STK32A: variants seen among roughly 807,000 people sequenced by gnomAD.
STK32A encodes serine/threonine kinase 32A.
In STK32A, 41 loss-of-function variants were observed where a neutral mutation model predicts 53.2. The ratio of observed to expected loss-of-function variants is 0.77; its 90% CI spans 0.60 to 1.00. The LOEUF (loss-of-function observed/expected upper bound fraction) is 1.00. Among genes scored for constraint, STK32A ranks in the 50% least tolerant of loss-of-function variants. The pLI is 0.00. For synonymous variants in STK32A, 166 were observed against 162.8 expected (o/e 1.02, Z -0.15); for missense variants, 458 against 485.8 (o/e 0.94, Z 0.54).
At chr5:147,292,174 G>A (rs1030442432) in intron 4 of STK32A, among the ~76,000 whole-genome samples, 3 of 152,164 alleles carry the variant, frequency 2.0e-5, no homozygotes, top group African/African-American at 7.2e-5. Flanking sequence ...AAGGTATCAG[G>A]TCAGTTTTCC....
At chr5:147,314,014 A>G (rs575981641) in intron 4 of STK32A, among the ~76,000 whole-genome samples, 1 of 152,270 alleles carries the variant, frequency 6.6e-6, no homozygotes, top group Admixed American at 6.5e-5. Context: ...GTAATCACTA[A>G]TTGTTCCTCA....
chr5:147,298,282 T>C (rs1211861597), intron 4 of STK32A, among the ~76,000 whole-genome samples: 1 of 152,242 alleles, frequency 6.6e-6, no homozygotes, highest in Non-Finnish European at 1.5e-5. Flanking sequence ...GTTTCAAACA[T>C]ACTTTTGTTC....
chr5:147,237,229 C>T (rs1391524242), intron 1 of STK32A, among the ~76,000 whole-genome samples: 1 of 151,910 alleles, frequency 6.6e-6, no homozygotes, highest in East Asian at 1.9e-4. Context: ...AGGAGAATGG[C>T]GTGAACCCAG....
At chr5:147,251,497 T>G (rs886861417) in intron 2 of STK32A, among the ~76,000 whole-genome samples, 1 of 152,246 alleles carries the variant, frequency 6.6e-6, no homozygotes, top group Non-Finnish European at 1.5e-5. Flanking sequence ...GACAGTCACA[T>G]GGGTAGATCC....
intron 4 of STK32A, among the ~76,000 whole-genome samples, chr5:147,305,710 T>C (rs1244540886): frequency 4.6e-5 from 7 of 152,038 alleles, no homozygotes; most frequent in Admixed American, 4.6e-4. Flanking sequence ...GTAGCAATAG[T>C]GTCTTGCCAT....
At chr5:147,342,541 A>G (rs1755478295) in intron 5 of STK32A, 2 of 156,516 alleles carry the variant, frequency 1.3e-5, no homozygotes. Flanking sequence ...GGGGGTGGTT[A>G]TATAACTACA....
downstream of STK32A, chr5:147,392,038 C>G (rs1757825086): frequency 6.6e-6 from 1 of 152,224 alleles, no homozygotes; most frequent in African/African-American, 2.4e-5. Flanking sequence ...GTCTTTTCCT[C>G]TATCTGCTGG....
chr5:147,273,399 T>C (rs936584886), intron 2 of STK32A, among the ~76,000 whole-genome samples: 1 of 152,180 alleles, frequency 6.6e-6, no homozygotes, highest in African/African-American at 2.4e-5. Flanking sequence ...GCTATAAAAA[T>C]AGTGGTTAAG....
At chr5:147,260,471 G>T (rs1229474746) in intron 2 of STK32A, among the ~76,000 whole-genome samples, 1 of 152,020 alleles carries the variant, frequency 6.6e-6, no homozygotes, top group Middle Eastern at 3.2e-3. Context: ...AGAAGAAAGG[G>T]GGGGTTTATG....
intron 5 of STK32A, among the ~76,000 whole-genome samples, chr5:147,326,590 G>T (rs1043963580): frequency 6.6e-6 from 1 of 151,924 alleles, no homozygotes; most frequent in Non-Finnish European, 1.5e-5. Flanking sequence ...GCTTTTCATT[G>T]TATAACCAGT....
intron 5 of STK32A, among the ~76,000 whole-genome samples, chr5:147,336,168 A>G (rs1284779538): frequency 2.6e-5 from 4 of 152,178 alleles, no homozygotes; most frequent in Non-Finnish European, 5.9e-5. Context: ...GTACCCATAT[A>G]TATACATACA....
intron 2 of STK32A, among the ~76,000 whole-genome samples, chr5:147,273,845 T>C (rs1436919290): frequency 1.3e-5 from 2 of 152,236 alleles, no homozygotes; most frequent in African/African-American, 2.4e-5. Context: ...GTCACTATAC[T>C]GGTTATAACC....
rs374083453 is a variant in STK32A, at chr5:147,349,850, G to A, written c.473-1215G>A. ...TGACTGGCCGGGCGCAGTGGCTCAC[G>A]CCTGTAATCCCAACACTTTCAGAGG... On this transcript the variant is annotated intron_variant, in intron 6 of 12. Coordinates refer to ENST00000397936, the MANE Select transcript of STK32A (RefSeq NM_001112724.2). 9.4e-4 allele frequency among the ~76,000 whole-genome samples: 143 copies of A among 152,122 alleles called. 2 individuals carry two copies. In the South Asian group the frequency reaches 0.028, roughly 30 times the overall value.
chr5:147,324,917 T>C (rs1377502281), intron 5 of STK32A, among the ~76,000 whole-genome samples: 1 of 152,216 alleles, frequency 6.6e-6, no homozygotes, highest in African/African-American at 2.4e-5. Flanking sequence ...GTACTTTATG[T>C]ACATTAGTTT....
At position 147,340,817 on chromosome 5, in the gene STK32A, C is replaced by T. The variant is rs556057948; in HGVS notation, c.435-2189C>T. On this transcript the variant is annotated intron_variant, in intron 5 of 12. Coordinates refer to ENST00000397936, the MANE Select transcript of STK32A (RefSeq NM_001112724.2). ...CGAAGCTTTCTCATCCTCTCCATCC[C>T]GAGGGAACTATGTCTCATTTATCTT... 6.2e-3 allele frequency among the ~76,000 whole-genome samples: 936 copies of T among 152,190 alleles called. 4 individuals are homozygous for T. Among genetic ancestry groups the T allele is most frequent in the Non-Finnish European group, 0.011 (769 of 68,004 alleles).
rs368932894 is a variant in STK32A, at chr5:147,285,226, G to A, written c.260+5828G>A. Among the ~76,000 whole-genome samples the A allele has an allele frequency of 1.1e-4, 17 of 152,262 alleles. No individual in the cohort carries two copies. The South Asian group carries it at 1.5e-3, about 13-fold the overall frequency. ...AAAAGGACACCCTTTTCAACAAATG[G>A]TGCTGGGATAATTGAATAGCCACAA... On this transcript the variant is annotated intron_variant, in intron 4 of 12. Coordinates refer to ENST00000397936, the MANE Select transcript of STK32A (RefSeq NM_001112724.2).
intron 4 of STK32A, among the ~76,000 whole-genome samples, chr5:147,309,096 C>T (rs1488907629): frequency 2.0e-5 from 3 of 151,868 alleles, no homozygotes; most frequent in East Asian, 3.9e-4. Flanking sequence ...TAGTAAAGAG[C>T]GGGGATGATT....
intron 2 of STK32A, among the ~76,000 whole-genome samples, chr5:147,242,582 G>T (rs1462607715): frequency 6.6e-6 from 1 of 152,140 alleles, no homozygotes; most frequent in Non-Finnish European, 1.5e-5. Flanking sequence ...CCTGAAAGAT[G>T]AGAAGAAGCC....
At chr5:147,306,109 A>G (rs909808865) in intron 4 of STK32A, among the ~76,000 whole-genome samples, 3 of 152,030 alleles carry the variant, frequency 2.0e-5, no homozygotes, top group Non-Finnish European at 4.4e-5. Flanking sequence ...AGCATCACCA[A>G]CACTGGATAT....
Sources: gnomAD v4.1 joint callset for allele counts (sites outside exome capture counted in the v4.1 genomes callset) on GRCh38, gnomAD v4.1.1 for gene constraint, MANE v1.5 for transcripts, NCBI Gene and HGNC (gene_info 2026-07-23, HGNC 2026-07-21) for gene names.